TMCC1: variants seen among roughly 807,000 people sequenced by gnomAD.
TMCC1 encodes the protein transmembrane and coiled-coil domain family 1, also known as transmembrane and coiled-coil domains protein 1.
A neutral mutation model predicts 52.4 loss-of-function variants in TMCC1; 15 were observed. That is an observed-to-expected ratio of 0.29 (90% CI 0.19 to 0.44). TMCC1 has a LOEUF of 0.44. Among genes scored for constraint, TMCC1 ranks in the 20% least tolerant of loss-of-function variants. The probability of loss-of-function intolerance (pLI) is 1.00; values close to 1 mark genes in which losing one functional copy is unlikely to be tolerated. For synonymous variants in TMCC1, 279 were observed against 301.9 expected (o/e 0.92, Z 0.79); for missense variants, 503 against 806.0 (o/e 0.62, Z 4.55).
intron 2 of TMCC1, among the ~76,000 whole-genome samples, chr3:129,851,679 G>A (rs1469290284): frequency 6.6e-6 from 1 of 152,100 alleles, no homozygotes; most frequent in African/African-American, 2.4e-5. Flanking sequence ...ACAGTATGGT[G>A]GTTCCCAGAA....
chr3:129,797,096 C>T (rs572013407), intron 4 of TMCC1, among the ~76,000 whole-genome samples: 1 of 152,248 alleles, frequency 6.6e-6, no homozygotes, highest in African/African-American at 2.4e-5. Flanking sequence ...GAGGCTGAGG[C>T]AGGTGGATCA....
chr3:129,739,639 A>G (rs924684396), intron 4 of TMCC1, among the ~76,000 whole-genome samples: 2 of 152,166 alleles, frequency 1.3e-5, no homozygotes, highest in African/African-American at 4.8e-5. Flanking sequence ...TTAGCATATT[A>G]TTACCAAATA....
At chr3:129,717,418 TTTC>T (rs958864632) in intron 4 of TMCC1, among the ~76,000 whole-genome samples, 1 of 152,174 alleles carries the variant, frequency 6.6e-6, no homozygotes, top group Admixed American at 6.5e-5. Flanking sequence ...TCTTCTTCCT[TTTC>T]TTCTTCTCCC....
intron 4 of TMCC1, among the ~76,000 whole-genome samples, chr3:129,772,579 T>C (rs1035918681): frequency 6.6e-6 from 1 of 150,534 alleles, no homozygotes; most frequent in African/African-American, 2.4e-5. Context: ...AAAAATTAGC[T>C]GGGTGTGGTG....
In TMCC1 at chr3:129,877,512, C is replaced by T. The variant is rs151194398; in HGVS notation, c.-184+2797G>A. On this transcript the variant is annotated intron_variant, in intron 2 of 6. Coordinates refer to ENST00000393238, the MANE Select transcript of TMCC1 (RefSeq NM_001017395.5). ...TTAATTGGAGATCTCATCCAGCTTT[C>T]TGGATTTAAATATAATCTATTTTAA... 1.6e-3 allele frequency among the ~76,000 whole-genome samples: 243 copies of T among 152,106 alleles called. 1 individual carries two copies. Among genetic ancestry groups the T allele is most frequent in the Admixed American group, 1.0e-3 (16 of 15,264 alleles).
chr3:129,887,936 GA>G (rs2061793310), intron 1 of TMCC1, among the ~76,000 whole-genome samples: 1 of 152,164 alleles, frequency 6.6e-6, no homozygotes, highest in Non-Finnish European at 1.5e-5. Flanking sequence ...AAAAAATGCA[GA>G]ATGTGACAAA....
chr3:129,853,521 C>G (rs550421403), intron 2 of TMCC1, among the ~76,000 whole-genome samples: 65 of 150,334 alleles, frequency 4.3e-4, no homozygotes, highest in African/African-American at 1.5e-3. Context: ...CCTAGTTACT[C>G]AGGAGGCTAA....
intron 4 of TMCC1, among the ~76,000 whole-genome samples, chr3:129,746,507 T>C (rs1357346619): frequency 6.6e-6 from 1 of 152,136 alleles, no homozygotes; most frequent in African/African-American, 2.4e-5. Flanking sequence ...TAATATAAAG[T>C]ATTACAAACC....
Position 129,651,769 on chromosome 3 carries a change from G to T in TMCC1, c.1674C>A (p.Arg558=), listed in dbSNP as rs1003976859. The T allele has an allele frequency of 6.2e-7, 1 of 1,613,858 alleles. No individual in the cohort carries two copies. The highest frequency in any genetic ancestry group is 8.5e-7 in the Non-Finnish European group (1 of 1,179,872). ...IQEALEACQT[R]ISKMELQQQQ... is the part of the protein sequence containing the mutation. ...GCTGCTGCAGCTCCATCTTGGAGATGCGCGTCTGGCATGCCTCCAGGGCCT... is the reference window on the plus strand; with the variant it reads ...GCTGCTGCAGCTCCATCTTGGAGATTCGCGTCTGGCATGCCTCCAGGGCCT... Residue 558 remains arginine (R), a synonymous_variant, in exon 7 of 7, where the codon CGC becomes CGA. Coordinates refer to ENST00000393238, the MANE Select transcript of TMCC1 (RefSeq NM_001017395.5). This position sits in a 1 kb window ranked among gnomAD's most constrained non-coding sequence, Gnocchi z 5.1.
intron 4 of TMCC1, among the ~76,000 whole-genome samples, chr3:129,762,444 C>A (rs371105940): frequency 6.6e-6 from 1 of 152,172 alleles, no homozygotes; most frequent in Non-Finnish European, 1.5e-5. Context: ...CTTGACTAGT[C>A]AGCTAGTGCA....
chr3:129,879,384 T>A (rs571633571), intron 2 of TMCC1, among the ~76,000 whole-genome samples: 1 of 152,264 alleles, frequency 6.6e-6, no homozygotes, highest in African/African-American at 2.4e-5. Context: ...GAGATTGCTG[T>A]GAGCTACGAC....
chr3:129,841,892 C>T (rs1242650013), intron 2 of TMCC1, among the ~76,000 whole-genome samples: 1 of 152,154 alleles, frequency 6.6e-6, no homozygotes, highest in Non-Finnish European at 1.5e-5. Flanking sequence ...TTCCTGAGGC[C>T]TCCCCAGCCA....
intron 4 of TMCC1, among the ~76,000 whole-genome samples, chr3:129,798,026 G>C (rs1001973227): frequency 2.2e-5 from 3 of 133,962 alleles, no homozygotes; most frequent in Non-Finnish European, 4.6e-5. Flanking sequence ...ACGAAGTCTC[G>C]CTCTTGTCCC....
intron 4 of TMCC1, among the ~76,000 whole-genome samples, chr3:129,781,152 C>G (rs191801114): frequency 6.6e-6 from 1 of 152,266 alleles, no homozygotes; most frequent in East Asian, 1.9e-4. Context: ...TAACACTTAT[C>G]TAAACCAGTC....
At chr3:129,702,608 C>A (rs937187425) in intron 4 of TMCC1, among the ~76,000 whole-genome samples, 1 of 152,092 alleles carries the variant, frequency 6.6e-6, no homozygotes, top group African/African-American at 2.4e-5. Context: ...TTCTTGAAAT[C>A]CTTAGTTGAT....
At chr3:129,788,228 T>A (rs2056180180) in intron 4 of TMCC1, among the ~76,000 whole-genome samples, 1 of 152,208 alleles carries the variant, frequency 6.6e-6, no homozygotes, top group South Asian at 2.1e-4. Flanking sequence ...CATGCTATCT[T>A]CTCTGGGTAG....
intron 4 of TMCC1, among the ~76,000 whole-genome samples, chr3:129,785,428 C>CA (rs745911466): frequency 6.6e-6 from 1 of 152,124 alleles, no homozygotes; most frequent in Non-Finnish European, 1.5e-5. Context: ...AATAGCATTT[C>CA]ATAAGGCTCA....
intron 4 of TMCC1, among the ~76,000 whole-genome samples, chr3:129,826,382 C>T (rs574191003): frequency 1.3e-5 from 2 of 151,674 alleles, no homozygotes; most frequent in East Asian, 1.9e-4. Context: ...TGGCATGCGC[C>T]TGTAGTACCA....
rs566649726 is a variant in TMCC1 at position 129,741,661 on chromosome 3, C to A, written c.577-70397G>T. On this transcript the variant is annotated intron_variant, in intron 4 of 6. Transcript: ENST00000393238. ...TTTTTATGCTCGATCTCTGCTTTAA[C>A]TGCTTTCTGTTGGCTTTATCTTATA... Among the ~76,000 whole-genome samples the A allele has an allele frequency of 6.0e-4, 91 of 152,270 alleles. No homozygotes were observed. In the South Asian group the frequency reaches 8.1e-3, roughly 14 times the overall value.
Sources: gnomAD v4.1 joint callset for allele counts (sites outside exome capture counted in the v4.1 genomes callset) on GRCh38, gnomAD v4.1.1 for gene constraint, Gnocchi (gnomAD v3.1) non-coding constraint, MANE v1.5 for transcripts, NCBI Gene and HGNC (gene_info 2026-07-23, HGNC 2026-07-21) for gene names.